The following RBFOX1 variants were observed in gnomAD, a reference collection of about 807,000 sequenced individuals.
RBFOX1 encodes RNA binding fox-1 homolog 1, also known as RNA binding protein fox-1 homolog 1.
A neutral mutation model predicts 57.7 loss-of-function variants in RBFOX1; 8 were observed. That is an observed-to-expected ratio of 0.14 (90% CI 0.08 to 0.25). The LOEUF (loss-of-function observed/expected upper bound fraction) is 0.25. RBFOX1 is among the 10% of genes least tolerant of loss of function. RBFOX1 has a pLI of 1.00. For missense variants in RBFOX1, 611 were observed against 548.5 expected (o/e 1.11, Z -1.14); for synonymous variants, 326 against 222.4 (o/e 1.47, Z -4.15).
intron 4 of RBFOX1, among the ~76,000 whole-genome samples, chr16:5,967,960 A>G (rs1048288401): frequency 5.3e-5 from 8 of 152,146 alleles, no homozygotes; most frequent in African/African-American, 1.9e-4. Flanking sequence ...CAGATCATAT[A>G]TATGTTACTT....
chr16:7,552,013 A>C (rs111488096), intron 5 of RBFOX1, among the ~76,000 whole-genome samples: 165 of 152,224 alleles, frequency 1.1e-3, no homozygotes, highest in African/African-American at 3.9e-3. Context: ...TTCATTCTCT[A>C]TGATGTTCAG....
At chr16:6,450,835 ATGTG>A (rs1351705890) in intron 2 of RBFOX1, among the ~76,000 whole-genome samples, 1,857 of 19,758 alleles carry the variant, frequency 0.094, 294 homozygotes, top group Non-Finnish European at 0.11. Flanking sequence ...ATATATATAT[ATGTG>A]TATATATATA....
intron 3 of RBFOX1, among the ~76,000 whole-genome samples, chr16:6,712,977 T>C (rs917386355): frequency 2.8e-5 from 4 of 143,818 alleles, no homozygotes; most frequent in Non-Finnish European, 6.1e-5. Context: ...GCAGTTCCCC[T>C]GCACATGCTC....
At chr16:5,536,963 G>T (rs1355533733) in intron 2 of RBFOX1, among the ~76,000 whole-genome samples, 1 of 152,146 alleles carries the variant, frequency 6.6e-6, no homozygotes, top group African/African-American at 2.4e-5. Flanking sequence ...CATAACTGCA[G>T]AACACACTCT....
At chr16:7,540,600 C>G (rs2082656528) in intron 5 of RBFOX1, among the ~76,000 whole-genome samples, 1 of 152,208 alleles carries the variant, frequency 6.6e-6, no homozygotes. Context: ...TCTCTGCTGT[C>G]TCTATGGTTG....
intron 1 of RBFOX1, among the ~76,000 whole-genome samples, chr16:6,101,249 A>G (rs2096304152): frequency 6.6e-6 from 1 of 152,160 alleles, no homozygotes; most frequent in Non-Finnish European, 1.5e-5. Context: ...TCAAAACAGC[A>G]TGCACCTTCA....
intron 4 of RBFOX1, among the ~76,000 whole-genome samples, chr16:7,217,027 C>CCCTCCCTTCCTCCCTCCCTCCCTCCCTT (rs2092192695): frequency 6.2e-5 from 3 of 48,192 alleles, no homozygotes; most frequent in African/African-American, 1.5e-4. Context: ...CTCCCTCCCT[C>CCCTCCCTTCCTCCCTCCCTCCCTCCCTT]CCTCCCTCCC....
chr16:5,411,820 C>T (rs891774768), intron 1 of RBFOX1, among the ~76,000 whole-genome samples: 3 of 151,966 alleles, frequency 2.0e-5, no homozygotes, highest in African/African-American at 7.3e-5. Flanking sequence ...GAAGTGGAGG[C>T]TGCAATGAAC....
At chr16:5,719,802 C>G (rs918283984) in intron 3 of RBFOX1, among the ~76,000 whole-genome samples, 1 of 152,046 alleles carries the variant, frequency 6.6e-6, no homozygotes, top group Non-Finnish European at 1.5e-5. Context: ...ATTTGTTTAT[C>G]ATTTGTTGGA....
At chr16:5,724,325 G>C (rs78072874) in intron 3 of RBFOX1, among the ~76,000 whole-genome samples, 7,367 of 152,232 alleles carry the variant, frequency 0.048, 484 homozygotes, top group East Asian at 0.14. Flanking sequence ...ATTGTCCTAA[G>C]CTGCTTTCAC....
chr16:6,346,264 C>T (rs1227028354), intron 2 of RBFOX1, among the ~76,000 whole-genome samples: 1 of 152,156 alleles, frequency 6.6e-6, no homozygotes, highest in Non-Finnish European at 1.5e-5. Context: ...AGAATAGAAG[C>T]GGCCAGAAGG....
chr16:6,975,137 G>T (rs1197171295), intron 3 of RBFOX1, among the ~76,000 whole-genome samples: 3 of 152,162 alleles, frequency 2.0e-5, no homozygotes, highest in African/African-American at 7.2e-5. Context: ...GTTTCACTCT[G>T]TGCAGATCCT....
chr16:6,368,424 A>G (rs1267558688), intron 2 of RBFOX1, among the ~76,000 whole-genome samples: 1 of 152,132 alleles, frequency 6.6e-6, no homozygotes, highest in African/African-American at 2.4e-5. Flanking sequence ...TGCAGCTTTG[A>G]TTTGGGTTTT....
intron 5 of RBFOX1, among the ~76,000 whole-genome samples, chr16:7,546,231 G>A (rs745305777): frequency 2.0e-5 from 3 of 152,016 alleles, no homozygotes; most frequent in Non-Finnish European, 4.4e-5. Context: ...GGAGCCTGAG[G>A]TGGGAGAATC....
chr16:7,229,158 A>G (rs557246600), intron 4 of RBFOX1, among the ~76,000 whole-genome samples: 1 of 152,206 alleles, frequency 6.6e-6, no homozygotes, highest in South Asian at 2.1e-4. Flanking sequence ...ATAAAAAGGA[A>G]AATCCGCAGA....
At chr16:5,566,308 G>A (rs1230417047) in intron 2 of RBFOX1, among the ~76,000 whole-genome samples, 3 of 152,114 alleles carry the variant, frequency 2.0e-5, no homozygotes, top group African/African-American at 7.2e-5. Flanking sequence ...CACTGTAACG[G>A]CATTCCACTG....
At chr16:5,541,803 G>A (rs2044964426) in intron 2 of RBFOX1, among the ~76,000 whole-genome samples, 1 of 152,112 alleles carries the variant, frequency 6.6e-6, no homozygotes, top group African/African-American at 2.4e-5. Flanking sequence ...AAACAAAATC[G>A]TAATTGGAAG....
chr16:7,331,356 G>C (rs192705504), intron 4 of RBFOX1, among the ~76,000 whole-genome samples: 1 of 152,104 alleles, frequency 6.6e-6, no homozygotes, highest in Non-Finnish European at 1.5e-5. Context: ...TTTTGAAGGT[G>C]ATTTTCAGTG....
intron 3 of RBFOX1, among the ~76,000 whole-genome samples, chr16:5,682,513 G>A (rs1269378567): frequency 1.3e-5 from 2 of 152,164 alleles, no homozygotes; most frequent in Admixed American, 6.5e-5. Flanking sequence ...TGGAAGAGAT[G>A]ACCATTTGTT....
Sources: gnomAD v4.1 joint callset for allele counts (sites outside exome capture counted in the v4.1 genomes callset) on GRCh38, gnomAD v4.1.1 for gene constraint, MANE v1.5 for transcripts, NCBI Gene and HGNC (gene_info 2026-07-23, HGNC 2026-07-21) for gene names.